LDB2: variants seen among roughly 807,000 people sequenced by gnomAD.
The protein encoded by LDB2 is LIM domain-binding protein 2.
LDB2 carries 12 observed loss-of-function variants against 44.3 expected under a neutral mutation model. The observed-to-expected ratio is 0.27, with a 90% CI of 0.17 to 0.44. LDB2 has a LOEUF of 0.44. LDB2 is among the 20% of genes least tolerant of loss of function. The probability of loss-of-function intolerance (pLI) is 1.00; values close to 1 mark genes in which losing one functional copy is unlikely to be tolerated. For synonymous variants in LDB2, 164 were observed against 174.8 expected (o/e 0.94, Z 0.49); for missense variants, 344 against 473.5 (o/e 0.73, Z 2.54).
intron 1 of LDB2, among the ~76,000 whole-genome samples, chr4:16,861,094 T>A (rs1210577202): frequency 2.0e-5 from 3 of 152,134 alleles, no homozygotes. Flanking sequence ...AACATATATA[T>A]CAAATATGAT....
intron 1 of LDB2, among the ~76,000 whole-genome samples, chr4:16,886,145 G>A (rs914666797): frequency 3.3e-5 from 5 of 152,056 alleles, no homozygotes; most frequent in African/African-American, 1.2e-4. Context: ...CTTGAGCTCA[G>A]GAGGTCAAGT....
chr4:16,651,199 A>G (rs1358952146), intron 2 of LDB2: 1 of 152,208 alleles, frequency 6.6e-6, no homozygotes, highest in African/African-American at 2.4e-5. Context: ...CATAGAGTCC[A>G]TTATGTCCAA....
chr4:16,745,884 C>T (rs1764278414), intron 2 of LDB2, among the ~76,000 whole-genome samples: 1 of 146,334 alleles, frequency 6.8e-6, no homozygotes, highest in Non-Finnish European at 1.5e-5. Flanking sequence ...TTTAAAGATT[C>T]TCTATTGTTG....
chr4:16,590,304 C>T lies in LDB2; in HGVS notation c.409-1472G>A, dbSNP rs75626340. 5.8e-3 allele frequency among the ~76,000 whole-genome samples: 885 copies of T among 152,262 alleles called. 5 individuals are homozygous for T. The highest frequency in any genetic ancestry group is 0.034 in the Middle Eastern group (10 of 294). ...CTAGGCTAAAAACAAACATACAACACTCCAGACACTTGAAAAAACACACTC... is the reference window on the plus strand; with the variant it reads ...CTAGGCTAAAAACAAACATACAACATTCCAGACACTTGAAAAAACACACTC... On this transcript the variant is annotated intron_variant, in intron 3 of 7. Transcript: ENST00000304523.
chr4:16,805,077 AGGAGAGAGAGGGAGAT>A (rs1379630215), intron 1 of LDB2, among the ~76,000 whole-genome samples: 2 of 151,660 alleles, frequency 1.3e-5, no homozygotes, highest in East Asian at 3.9e-4. Flanking sequence ...AGGAAGAGAA[AGGAGAGAGAGGGAGAT>A]GGAGAGAGAG....
chr4:16,701,838 T>G (rs1385504223), intron 2 of LDB2, among the ~76,000 whole-genome samples: 1 of 152,358 alleles, frequency 6.6e-6, no homozygotes, highest in East Asian at 1.9e-4. Flanking sequence ...GTACTAGTAG[T>G]GTCTACTTTA....
rs139269760 is a variant in LDB2 at position 16,892,010 on chromosome 4, G to A, written c.132+6344C>T. 2.6e-5 allele frequency among the ~76,000 whole-genome samples: 4 copies of A among 152,232 alleles called. No homozygotes were observed. In the East Asian group the frequency reaches 7.7e-4, roughly 29 times the overall value. On this transcript the variant is annotated intron_variant, in intron 1 of 7. Coordinates refer to ENST00000304523, the MANE Select transcript of LDB2 (RefSeq NM_001290.5). Reference sequence around the variant, plus strand: ...ATTAGTAAAAGTGCAGATGTTAGTAGATATTAGTATCATACGATGTGATCA... The same window carrying A: ...ATTAGTAAAAGTGCAGATGTTAGTAAATATTAGTATCATACGATGTGATCA...
chr4:16,589,214 T>A (rs1280751680), intron 3 of LDB2, among the ~76,000 whole-genome samples: 1 of 152,214 alleles, frequency 6.6e-6, no homozygotes, highest in Non-Finnish European at 1.5e-5. Context: ...ATTCTAATCT[T>A]GGTTATCCTG....
At chr4:16,879,981 G>A (rs1719582755) in intron 1 of LDB2, among the ~76,000 whole-genome samples, 1 of 152,096 alleles carries the variant, frequency 6.6e-6, no homozygotes, top group South Asian at 2.1e-4. Context: ...CTGTGCAGAA[G>A]TCAGCCAACC....
At chr4:16,820,941 A>G (rs1431735831) in intron 1 of LDB2, among the ~76,000 whole-genome samples, 3 of 152,238 alleles carry the variant, frequency 2.0e-5, no homozygotes, top group African/African-American at 4.8e-5. Flanking sequence ...TCTAAATGGC[A>G]AATTTCCATT....
intron 2 of LDB2, among the ~76,000 whole-genome samples, chr4:16,615,069 C>CAAAAAAAA (rs71649971): frequency 6.3e-5 from 3 of 47,326 alleles, no homozygotes; most frequent in Non-Finnish European, 1.1e-4. Context: ...GACTCCGTCT[C>CAAAAAAAA]AAAAAAAAAA....
At chr4:16,576,476 A>C (rs1711648602) in intron 5 of LDB2, among the ~76,000 whole-genome samples, 1 of 152,206 alleles carries the variant, frequency 6.6e-6, no homozygotes, top group South Asian at 2.1e-4. Context: ...TAAATTGGAA[A>C]ATCTAGAAGA....
intron 1 of LDB2, among the ~76,000 whole-genome samples, chr4:16,795,670 C>A (rs1776599731): frequency 6.6e-6 from 1 of 152,128 alleles, no homozygotes; most frequent in Non-Finnish European, 1.5e-5. Flanking sequence ...TCCAGCAAAT[C>A]ACTTATGACA....
At chr4:16,731,680 T>A (rs1760791913) in intron 2 of LDB2, among the ~76,000 whole-genome samples, 1 of 152,294 alleles carries the variant, frequency 6.6e-6, no homozygotes, top group African/African-American at 2.4e-5. Flanking sequence ...TTAAGCCACC[T>A]AGTATACGAA....
At chr4:16,681,550 C>G (rs933546847) in intron 2 of LDB2, among the ~76,000 whole-genome samples, 1 of 147,468 alleles carries the variant, frequency 6.8e-6, no homozygotes, top group South Asian at 2.2e-4. Flanking sequence ...TAATTTGTTA[C>G]ATAGCAATAA....
rs956573134 is a variant in LDB2, at chr4:16,830,899, G to C, written c.132+67455C>G. ...TTTAATTTTCTAAGGCTGCAGGGTTGAGAATAAGGGCTCCTGATGGTTCCA... is the reference window on the plus strand; with the variant it reads ...TTTAATTTTCTAAGGCTGCAGGGTTCAGAATAAGGGCTCCTGATGGTTCCA... On this transcript the variant is annotated intron_variant, in intron 1 of 7. Coordinates refer to ENST00000304523, the MANE Select transcript of LDB2 (RefSeq NM_001290.5). 2.6e-5 allele frequency among the ~76,000 whole-genome samples: 4 copies of C among 152,180 alleles called. No homozygotes were observed. The East Asian group carries it at 7.7e-4, about 29-fold the overall frequency.
chr4:16,744,096 A>C (rs1382989002), intron 2 of LDB2, among the ~76,000 whole-genome samples: 1 of 152,212 alleles, frequency 6.6e-6, no homozygotes, highest in African/African-American at 2.4e-5. Flanking sequence ...GTTTAAAATG[A>C]AAATGAGAGT....
chr4:16,606,241 C>T (rs1723905110), intron 2 of LDB2, among the ~76,000 whole-genome samples: 1 of 152,162 alleles, frequency 6.6e-6, no homozygotes, highest in African/African-American at 2.4e-5. Flanking sequence ...TAAGAAGACT[C>T]ATTTGTTGAT....
chr4:16,827,847 G>A (rs1783338922), intron 1 of LDB2, among the ~76,000 whole-genome samples: 1 of 152,192 alleles, frequency 6.6e-6, no homozygotes, highest in Non-Finnish European at 1.5e-5. Context: ...CTGGCCAGAT[G>A]ACACACTGGT....
Sources: allele counts gnomAD v4.1 joint callset (sites outside exome capture counted in the v4.1 genomes callset), GRCh38; gene constraint gnomAD v4.1.1; transcripts MANE v1.5; gene names NCBI Gene and HGNC (gene_info 2026-07-23, HGNC 2026-07-21).